Variants in IMPG2 observed in about 807,000 individuals in gnomAD.
IMPG2 encodes the protein IPM 200.
A neutral mutation model predicts 129.2 loss-of-function variants in IMPG2; 91 were observed. The ratio of observed to expected loss-of-function variants is 0.70; its 90% CI spans 0.59 to 0.84. IMPG2 has a LOEUF of 0.84. Among genes scored for constraint, IMPG2 ranks in the 40% least tolerant of loss-of-function variants. IMPG2 has a pLI of 0.00. For missense variants in IMPG2, 1,430 were observed against 1,461.7 expected (o/e 0.98, Z 0.35); for synonymous variants, 510 against 517.7 (o/e 0.99, Z 0.20).
At chr3:101,268,068 T>C (rs949341568) in intron 8 of IMPG2, among the ~76,000 whole-genome samples, 1 of 152,176 alleles carries the variant, frequency 6.6e-6, no homozygotes, top group Admixed American at 6.5e-5. Context: ...TAATCTTCAT[T>C]AAGATTTATT....
At chr3:101,238,387 C>G (rs1337848826) in intron 14 of IMPG2, among the ~76,000 whole-genome samples, 1 of 152,038 alleles carries the variant, frequency 6.6e-6, no homozygotes, top group Non-Finnish European at 1.5e-5. Context: ...AGATACTCCC[C>G]AAGAAGAGTA....
intron 3 of IMPG2, among the ~76,000 whole-genome samples, chr3:101,293,124 T>C (rs1208546959): frequency 6.6e-6 from 1 of 152,182 alleles, no homozygotes; most frequent in Non-Finnish European, 1.5e-5. Context: ...GTCATGAATG[T>C]TGTCAGTGCC....
intron 4 of IMPG2, among the ~76,000 whole-genome samples, chr3:101,287,046 A>G (rs1416767495): frequency 1.3e-5 from 2 of 152,228 alleles, no homozygotes; most frequent in African/African-American, 2.4e-5. Flanking sequence ...AAAAAAGCAC[A>G]GATCTAAATT....
chr3:101,244,462 C>T lies in IMPG2; in HGVS notation c.1869G>A (p.Lys623=), dbSNP rs773189104. ...TWPWSETSSE[K]SAEPLSKPWL... ...ACGGCTTGGACAGTGGTTCAGCGCTCTTCTCTGATGAAGTCTCACTCCATG... is the reference window on the plus strand; with the variant it reads ...ACGGCTTGGACAGTGGTTCAGCGCTTTTCTCTGATGAAGTCTCACTCCATG... The change falls in exon 13 of 19, where the codon AAG becomes AAA. Residue 623 remains lysine, a synonymous_variant. Coordinates refer to ENST00000193391, the MANE Select transcript of IMPG2 (RefSeq NM_016247.4). 2.0e-5 allele frequency: 33 copies of T among 1,614,116 alleles called. No individual in the cohort carries two copies. Among genetic ancestry groups the T allele is most frequent in the Non-Finnish European group, 2.7e-5 (32 of 1,179,998 alleles).
At chr3:101,286,069 T>C (rs1303827167) in intron 4 of IMPG2, among the ~76,000 whole-genome samples, 1 of 152,098 alleles carries the variant, frequency 6.6e-6, no homozygotes, top group East Asian at 1.9e-4. Flanking sequence ...GACAAGTCCC[T>C]TAAATTCTCT....
chr3:101,319,318 G>T (rs1217965661), intron 2 of IMPG2, among the ~76,000 whole-genome samples: 1 of 151,914 alleles, frequency 6.6e-6, no homozygotes, highest in Non-Finnish European at 1.5e-5. Flanking sequence ...TCATGAAAGC[G>T]TTCTTCCTTT....
chr3:101,261,467 A>G (rs72932462), intron 9 of IMPG2, among the ~76,000 whole-genome samples: 22,939 of 152,126 alleles, frequency 0.15, 1,846 homozygotes, highest in African/African-American at 0.19. Context: ...ATGCAAATCA[A>G]GCAGTCTGGA....
chr3:101,266,617 C>T (rs1318602915), intron 9 of IMPG2, among the ~76,000 whole-genome samples: 1 of 152,114 alleles, frequency 6.6e-6, no homozygotes, highest in Non-Finnish European at 1.5e-5. Flanking sequence ...AATCTTGAGA[C>T]AGACCAAGCA....
rs1231888980 is a variant in IMPG2, at chr3:101,244,091, A to G, written c.2240T>C (p.Met747Thr). ...GTTGGATGACTCAGTAATTTGTTCC[A>G]TATCCTCCCTTAGGATGGCATCTGC... ...DQADAILRED[M>T]EQITESSNYE... Residue 747 changes from methionine (M) to threonine (T), a missense_variant, in exon 13 of 19, where the codon ATG becomes ACG. By Grantham distance (81) the Met-to-Thr change is moderately conservative (BLOSUM62 -1). Coordinates refer to ENST00000193391, the MANE Select transcript of IMPG2 (RefSeq NM_016247.4). 6.2e-7 allele frequency: 1 copy of G among 1,614,044 alleles called. No individual in the cohort carries two copies. The highest frequency in any genetic ancestry group is 1.1e-5 in the South Asian group (1 of 91,086).
intron 3 of IMPG2, among the ~76,000 whole-genome samples, chr3:101,296,424 G>A (rs547346364): frequency 3.9e-5 from 6 of 152,256 alleles, no homozygotes; most frequent in South Asian, 2.1e-4. Context: ...CAGTTTGATC[G>A]TGCTAGATAA....
intron 7 of IMPG2, among the ~76,000 whole-genome samples, chr3:101,271,392 T>C (rs1706781878): frequency 6.6e-6 from 1 of 152,212 alleles, no homozygotes. Context: ...TAAACATGTA[T>C]AGATATCCAG....
At chr3:101,285,778 A>C (rs929058711) in intron 4 of IMPG2, among the ~76,000 whole-genome samples, 1 of 152,200 alleles carries the variant, frequency 6.6e-6, no homozygotes, top group African/African-American at 2.4e-5. Context: ...TATCATTTTT[A>C]ATTTTAAATT....
At chr3:101,300,925 C>T (rs922882021) in intron 3 of IMPG2, among the ~76,000 whole-genome samples, 5 of 152,236 alleles carry the variant, frequency 3.3e-5, no homozygotes, top group African/African-American at 9.7e-5. Flanking sequence ...CCTCACTATA[C>T]TTAATCATTT....
intron 1 of IMPG2, 93 bp from the exon 2 acceptor site, chr3:101,319,925 G>T: frequency 7.3e-7 from 1 of 1,362,038 alleles, no homozygotes; most frequent in Non-Finnish European, 1.0e-6. Context: ...GCTACATTAA[G>T]ATAGAGAAGC....
chr3:101,242,198 T>C (rs1188522081), intron 14 of IMPG2, among the ~76,000 whole-genome samples: 2 of 152,114 alleles, frequency 1.3e-5, no homozygotes, highest in Non-Finnish European at 2.9e-5. Flanking sequence ...TTAAATTTGA[T>C]ATACACAGAA....
At chr3:101,275,406 C>T (rs1208782939) in intron 6 of IMPG2, among the ~76,000 whole-genome samples, 1 of 152,198 alleles carries the variant, frequency 6.6e-6, no homozygotes, top group Non-Finnish European at 1.5e-5. Context: ...CCACAAGAGG[C>T]AGTGGGCTTA....
intron 7 of IMPG2, among the ~76,000 whole-genome samples, chr3:101,272,681 A>G (rs1706798539): frequency 6.6e-6 from 1 of 152,190 alleles, no homozygotes; most frequent in African/African-American, 2.4e-5. Flanking sequence ...TGGCCACACC[A>G]CTAGGAAAAT....
At chr3:101,266,678 C>T (rs545945855) in intron 9 of IMPG2, among the ~76,000 whole-genome samples, 3 of 152,166 alleles carry the variant, frequency 2.0e-5, no homozygotes, top group Non-Finnish European at 4.4e-5. Flanking sequence ...AGTTAGTCAA[C>T]AACCCAGCCA....
intron 10 of IMPG2, among the ~76,000 whole-genome samples, chr3:101,256,196 A>C (rs1355299618): frequency 6.6e-6 from 1 of 151,154 alleles, no homozygotes; most frequent in African/African-American, 2.4e-5. Context: ...AAAGAAAGAA[A>C]GAAAGAAAGA....
Sources: gnomAD v4.1 joint callset for allele counts (sites outside exome capture counted in the v4.1 genomes callset) on GRCh38, gnomAD v4.1.1 for gene constraint, MANE v1.5 for transcripts, NCBI Gene and HGNC (gene_info 2026-07-23, HGNC 2026-07-21) for gene names.